CUX1: variants seen among roughly 807,000 people sequenced by gnomAD.
The protein encoded by CUX1 is cut like homeobox 1, also known as protein CASP.
CUX1 carries 31 observed loss-of-function variants against 158.8 expected under a neutral mutation model. The ratio of observed to expected loss-of-function variants is 0.20; its 90% CI spans 0.15 to 0.26. The LOEUF (loss-of-function observed/expected upper bound fraction) is 0.26. CUX1 is among the 10% of genes least tolerant of loss of function. The pLI is 1.00. For synonymous variants in CUX1, 879 were observed against 862.1 expected, an observed-to-expected ratio of 1.02 and a Z score of -0.34; for missense variants, 1,589 against 2,014.6, an observed-to-expected ratio of 0.79 and a Z score of 4.04.
intron 14 of CUX1, chr7:102,264,648 AG>A: frequency 6.6e-6 from 1 of 152,482 alleles, no homozygotes; most frequent in Non-Finnish European, 1.5e-5. Context: ...GTGAGTAAGG[AG>A]GGGTCAGCAC....
intron 12 of CUX1, among the ~76,000 whole-genome samples, chr7:102,191,364 G>A (rs1794254813): frequency 6.6e-6 from 1 of 152,184 alleles, no homozygotes; most frequent in Non-Finnish European, 1.5e-5. Context: ...CTCACAAGTA[G>A]CTGGGATTAC....
At chr7:102,228,997 C>A (rs943917769) in intron 21 of CUX1, among the ~76,000 whole-genome samples, 3 of 152,210 alleles carry the variant, frequency 2.0e-5, no homozygotes, top group Non-Finnish European at 2.9e-5. Context: ...AGTAACCACG[C>A]CTGCCTGGGA....
intron 6 of CUX1, among the ~76,000 whole-genome samples, chr7:102,111,050 G>C (rs1169791192): frequency 6.6e-6 from 1 of 151,588 alleles, no homozygotes; most frequent in Non-Finnish European, 1.5e-5. Context: ...TATTATGAGA[G>C]CATATGTTAA....
In CUX1 at chr7:101,928,067, A is replaced by G. The variant is rs186266047; in HGVS notation, c.141+11842A>G. Among the ~76,000 whole-genome samples the G allele has an allele frequency of 3.3e-5, 5 of 152,338 alleles. No individual in the cohort carries two copies. The East Asian group carries it at 7.7e-4, about 24-fold the overall frequency. On this transcript the variant is annotated intron_variant, in intron 2 of 23. Coordinates refer to ENST00000292535, the MANE Select transcript of CUX1 (RefSeq NM_181552.4). ...CCGTTTTTACAGGGCTATTTTAAGT[A>G]TAAAAGACGCATTATCTGAGAGTTT...
At chr7:102,186,592 TA>T (rs59851610) in intron 11 of CUX1, among the ~76,000 whole-genome samples, 5,046 of 103,346 alleles carry the variant, frequency 0.049, 92 homozygotes, top group African/African-American at 0.077. Flanking sequence ...TATATATATA[TA>T]TATTTTTTTT....
In CUX1 at chr7:102,042,281, C is replaced by T. The variant is rs576683649; in HGVS notation, c.189+14136C>T. Reference sequence around the variant, plus strand: ...TCCCCAGGCTCCTACCCTGACATTCCGGTGTAGAAGGCCTGGGGTGGAACC... The same window carrying T: ...TCCCCAGGCTCCTACCCTGACATTCTGGTGTAGAAGGCCTGGGGTGGAACC... On this transcript the variant is annotated intron_variant, in intron 3 of 23. Transcript: ENST00000292535. Among the ~76,000 whole-genome samples the T allele has an allele frequency of 3.3e-5, 5 of 152,252 alleles. No homozygotes were observed. In the South Asian group the frequency reaches 6.2e-4, roughly 19 times the overall value.
chr7:102,159,556 C>T (rs1554506417), intron 9 of CUX1, among the ~76,000 whole-genome samples: 1 of 152,196 alleles, frequency 6.6e-6, no homozygotes, highest in Admixed American at 6.6e-5. Flanking sequence ...GCTGCTGTTG[C>T]TCTGAAAAGA....
chr7:102,181,437 C>CT (rs1339380480), intron 11 of CUX1, among the ~76,000 whole-genome samples: 1 of 152,184 alleles, frequency 6.6e-6, no homozygotes, highest in Non-Finnish European at 1.5e-5. Context: ...TACACACCGG[C>CT]TACAAGAGAG....
intron 2 of CUX1, among the ~76,000 whole-genome samples, chr7:101,953,539 T>C (rs1809366922): frequency 6.6e-6 from 1 of 152,196 alleles, no homozygotes; most frequent in Non-Finnish European, 1.5e-5. Flanking sequence ...ACTTCTCTTT[T>C]AGTAAGAAAT....
At chr7:101,827,911 G>A (rs534994731) in intron 1 of CUX1, among the ~76,000 whole-genome samples, 1 of 151,548 alleles carries the variant, frequency 6.6e-6, no homozygotes, top group African/African-American at 2.4e-5. Flanking sequence ...AGGTGGTGGA[G>A]ATGGAAGGGC....
intron 17 of CUX1, among the ~76,000 whole-genome samples, chr7:102,275,866 G>A (rs1362349217): frequency 6.6e-6 from 1 of 152,082 alleles, no homozygotes; most frequent in Non-Finnish European, 1.5e-5. Flanking sequence ...AAAATTAGCC[G>A]GGCATGGTGG....
rs1335898407 is a variant in CUX1 at position 101,974,796 on chromosome 7, A to G, written c.142-53302A>G. ...ATAGTAGGAATTATTTGTGCGTTGT[A>G]TGTATAATAAACACATGGAAAAGAC... On this transcript the variant is annotated intron_variant, in intron 2 of 23. Transcript: ENST00000292535. 2.0e-5 allele frequency among the ~76,000 whole-genome samples: 3 copies of G among 152,146 alleles called. No homozygotes were observed. The East Asian group carries it at 5.8e-4, about 29-fold the overall frequency.
At chr7:102,038,908 G>C (rs1243110588) in intron 3 of CUX1, among the ~76,000 whole-genome samples, 2 of 152,008 alleles carry the variant, frequency 1.3e-5, no homozygotes, top group African/African-American at 4.8e-5. Context: ...TAGCAACACT[G>C]CACCCCAGCC....
Position 101,861,255 on chromosome 7 carries a change from G to A in CUX1, c.30+43586G>A, listed in dbSNP as rs374119601. ...TAGCTGCGCCCACCAGTCCTTGCAC[G>A]CATACTCCTGGTCACTTTTTTAATG... On this transcript the variant is annotated intron_variant, in intron 1 of 23. Transcript: ENST00000292535. Among the ~76,000 whole-genome samples the A allele has an allele frequency of 8.9e-3, 1,349 of 152,242 alleles. 12 individuals are homozygous for A. Among genetic ancestry groups the A allele is most frequent in the Non-Finnish European group, 0.014 (983 of 68,024 alleles).
chr7:102,202,647 A>AC (rs1231937937), intron 18 of CUX1, among the ~76,000 whole-genome samples: 1 of 152,144 alleles, frequency 6.6e-6, no homozygotes, highest in African/African-American at 2.4e-5. Context: ...ACACAGAGGG[A>AC]CCACCAGTAC....
At chr7:102,180,314 C>CT (rs782269252) in intron 11 of CUX1, among the ~76,000 whole-genome samples, 7,967 of 127,712 alleles carry the variant, frequency 0.062, 377 homozygotes, top group African/African-American at 0.095. Context: ...GAGCCACTGC[C>CT]TTTTTTTTTT....
intron 2 of CUX1, among the ~76,000 whole-genome samples, chr7:102,003,295 A>AACACACACACAC (rs56760446): frequency 0.03 from 3,917 of 131,866 alleles, 115 homozygotes; most frequent in Middle Eastern, 0.049. Flanking sequence ...CCTGGTGCCG[A>AACACACACACAC]ACACACACAC....
chr7:101,816,743 G>T (rs1584619966), upstream of CUX1, among the ~76,000 whole-genome samples: 1 of 144,656 alleles, frequency 6.9e-6, no homozygotes, highest in Admixed American at 6.8e-5. Context: ...TCGGGGGAGG[G>T]TCAGAGCGGC....
chr7:101,851,854 C>T (rs952596251), intron 1 of CUX1, among the ~76,000 whole-genome samples: 2 of 147,454 alleles, frequency 1.4e-5, no homozygotes, highest in African/African-American at 5.0e-5. Context: ...TTTGAGACAG[C>T]GTCTCACTCT....
Sources: allele counts gnomAD v4.1 joint callset (sites outside exome capture counted in the v4.1 genomes callset), GRCh38; gene constraint gnomAD v4.1.1; transcripts MANE v1.5; gene names NCBI Gene and HGNC (gene_info 2026-07-23, HGNC 2026-07-21).